Variants in ZNF536 observed in about 807,000 individuals in gnomAD.
The protein encoded by ZNF536 is zinc finger protein 536.
ZNF536 carries 13 observed loss-of-function variants against 84.5 expected under a neutral mutation model. The observed-to-expected ratio is 0.15, with a 90% CI of 0.10 to 0.24. The LOEUF is 0.24. ZNF536 is among the 10% of genes least tolerant of loss of function. ZNF536 has a pLI of 1.00. For synonymous variants in ZNF536, 811 were observed against 742.5 expected, an observed-to-expected ratio of 1.09 and a Z score of -1.50; for missense variants, 1,536 against 1,747.5, an observed-to-expected ratio of 0.88 and a Z score of 2.16.
intron 1 of ZNF536, among the ~76,000 whole-genome samples, chr19:30,574,340 A>C (rs745353740): frequency 1.3e-5 from 2 of 152,230 alleles, no homozygotes; most frequent in Non-Finnish European, 2.9e-5. Context: ...AAAAGAAGCC[A>C]GGATCCCAGG....
At chr19:30,447,080 A>G (rs1045733162) in intron 2 of ZNF536, among the ~76,000 whole-genome samples, 1 of 152,262 alleles carries the variant, frequency 6.6e-6, no homozygotes, top group Non-Finnish European at 1.5e-5. Context: ...GCAATCAGCC[A>G]TTAAGTCTAG....
chr19:30,401,913 T>C (rs1290327501), intron 1 of ZNF536, among the ~76,000 whole-genome samples: 1 of 152,210 alleles, frequency 6.6e-6, no homozygotes, highest in African/African-American at 2.4e-5. Flanking sequence ...TTCCAAAGAG[T>C]TAGAAGCATC....
chr19:30,240,374 G>GA (rs11401648), intron 1 of ZNF536, among the ~76,000 whole-genome samples: 53,526 of 146,902 alleles, frequency 0.36, 10,029 homozygotes, highest in East Asian at 0.61. Flanking sequence ...CTCTATCTCA[G>GA]AAAAAAAAAA....
At chr19:30,339,279 G>A (rs1229754050) in intron 2 of ZNF536, among the ~76,000 whole-genome samples, 1 of 152,188 alleles carries the variant, frequency 6.6e-6, no homozygotes, top group African/African-American at 2.4e-5. Context: ...TGGGGTGACT[G>A]CTCTCTGGAC....
chr19:30,310,934 C>T (rs1386164097), intron 2 of ZNF536, among the ~76,000 whole-genome samples: 1 of 152,208 alleles, frequency 6.6e-6, no homozygotes, highest in East Asian at 1.9e-4. Context: ...TGTGAGCCCT[C>T]CTGGGCGACT....
rs2044109578 is a variant in ZNF536 at position 30,517,054 on chromosome 19, C to T, written c.2171-17793C>T. Among the ~76,000 whole-genome samples, 9 of 152,298 alleles carry T rather than the reference C, an allele frequency of 5.9e-5. No homozygotes were observed. In the South Asian group the frequency reaches 1.9e-3, roughly 32 times the overall value. On this transcript the variant is annotated intron_variant, in intron 2 of 4. Transcript: ENST00000355537. ...CTGGTTCTCTGGTTGATCCATCTTT[C>T]CCTCTGATCACTGCCCTTCCTCCTG...
intron 1 of ZNF536, among the ~76,000 whole-genome samples, chr19:30,610,762 G>T (rs993896226): frequency 6.6e-6 from 1 of 152,150 alleles, no homozygotes; most frequent in Non-Finnish European, 1.5e-5. Flanking sequence ...GAGTGTGTGT[G>T]TGGAGGCGGG....
At chr19:30,607,242 TG>T (rs1327633502) in intron 1 of ZNF536, among the ~76,000 whole-genome samples, 3 of 152,236 alleles carry the variant, frequency 2.0e-5, no homozygotes, top group Non-Finnish European at 4.4e-5. Flanking sequence ...TGCTTTCAAA[TG>T]TTTTTTTAAA....
chr19:30,367,127 GCC>G (rs1475189736), intron 3 of ZNF536, among the ~76,000 whole-genome samples: 1 of 152,196 alleles, frequency 6.6e-6, no homozygotes, highest in Non-Finnish European at 1.5e-5. Context: ...AGGGGCAGTG[GCC>G]CCTTTTCCAT....
Position 30,277,206 on chromosome 19 carries a change from T to A in ZNF536, c.-189-6866T>A, listed in dbSNP as rs540204054. On this transcript the variant is annotated intron_variant, in intron 1 of 5. Coordinates refer to the ZNF536 transcript ENST00000585628. ...GCGGCAACAGACAAAGAGTTTAAAT[T>A]GAATTTTCAACACTGTTGATGTGCA... Among the ~76,000 whole-genome samples the A allele has an allele frequency of 2.0e-5, 3 of 152,304 alleles. No individual in the cohort carries two copies. The South Asian group carries it at 6.2e-4, about 32-fold the overall frequency.
At chr19:30,390,181 G>A (rs2049522207) in intron 1 of ZNF536, among the ~76,000 whole-genome samples, 1 of 152,054 alleles carries the variant, frequency 6.6e-6, no homozygotes, top group South Asian at 2.1e-4. Context: ...TTAAGGTTGT[G>A]TTGAGTAGAG....
At chr19:30,704,838 C>T (rs1003281511) in intron 1 of ZNF536, among the ~76,000 whole-genome samples, 1 of 151,948 alleles carries the variant, frequency 6.6e-6, no homozygotes, top group Non-Finnish European at 1.5e-5. Flanking sequence ...GTTCCATGGG[C>T]CCCTCTTGCT....
chr19:30,533,188 A>G (rs2044924005), intron 2 of ZNF536, among the ~76,000 whole-genome samples: 1 of 152,182 alleles, frequency 6.6e-6, no homozygotes, highest in African/African-American at 2.4e-5. Flanking sequence ...CCAAGCCAAG[A>G]GTTTCCACAG....
intron 1 of ZNF536, among the ~76,000 whole-genome samples, chr19:30,684,495 A>T (rs1231170462): frequency 6.6e-6 from 1 of 152,170 alleles, no homozygotes; most frequent in African/African-American, 2.4e-5. Flanking sequence ...CTTTCCATGG[A>T]TTCACGGTCC....
intron 2 of ZNF536, among the ~76,000 whole-genome samples, chr19:30,446,567 C>T (rs1004994197): frequency 6.6e-6 from 1 of 152,102 alleles, no homozygotes; most frequent in Non-Finnish European, 1.5e-5. Context: ...TCTTCTGGCC[C>T]CTTCCAAAAT....
chr19:30,629,840 G>A (rs2048825861), intron 1 of ZNF536, among the ~76,000 whole-genome samples: 1 of 152,248 alleles, frequency 6.6e-6, no homozygotes, highest in African/African-American at 2.4e-5. Flanking sequence ...GGCAGGGGCA[G>A]TGAGGGTCCC....
chr19:30,375,081 G>T (rs2048760098), intron 1 of ZNF536, among the ~76,000 whole-genome samples: 1 of 151,736 alleles, frequency 6.6e-6, no homozygotes, highest in Non-Finnish European at 1.5e-5. Context: ...GACGGTGGGA[G>T]TAACAAAGGA....
chr19:30,228,258 AAG>A (rs888214681), upstream of ZNF536: 1 of 151,590 alleles, frequency 6.6e-6, no homozygotes, highest in African/African-American at 2.4e-5. The surrounding 1 kb of genome is among the most constrained non-coding windows in gnomAD (Gnocchi z 4.5). Flanking sequence ...AAAGAGACGA[AAG>A]AGAGGAAAAA....
At chr19:30,440,161 ATGT>A (rs1487269678) in intron 1 of ZNF536, among the ~76,000 whole-genome samples, 1 of 151,760 alleles carries the variant, frequency 6.6e-6, no homozygotes, top group Non-Finnish European at 1.5e-5. Flanking sequence ...AAGTTTCAAC[ATGT>A]TGTTCAGGCT....
Sources: allele counts gnomAD v4.1 joint callset (sites outside exome capture counted in the v4.1 genomes callset), GRCh38; gene constraint gnomAD v4.1.1; non-coding constraint Gnocchi (gnomAD v3.1); transcripts MANE v1.5; gene names NCBI Gene and HGNC (gene_info 2026-07-23, HGNC 2026-07-21).